MEGF10: variants seen among roughly 807,000 people sequenced by gnomAD.
MEGF10 encodes multiple EGF like domains 10.
In MEGF10, 86 loss-of-function variants were observed where a neutral mutation model predicts 147.5. The observed-to-expected ratio is 0.58, with a 90% CI of 0.49 to 0.70. MEGF10 has a LOEUF of 0.70. Ranked by LOEUF, MEGF10 falls within the 30% of genes least tolerant of loss-of-function variation. The pLI, the probability that MEGF10 is intolerant of heterozygous loss-of-function variation, is 0.00. For missense variants in MEGF10, 1,329 were observed against 1,487.3 expected, an observed-to-expected ratio of 0.89 and a Z score of 1.75; for synonymous variants, 478 against 525.5, an observed-to-expected ratio of 0.91 and a Z score of 1.24.
chr5:127,247,467 G>GAAGAAC, the MEGF10 span, among the ~76,000 whole-genome samples: 2 of 117,192 alleles, frequency 1.7e-5, no homozygotes, highest in Non-Finnish European at 3.4e-5. Context: ...AGAAGAAGAA[G>GAAGAAC]AAGAAGAAGA....
At chr5:127,403,111 T>C (rs769469200) in intron 8 of MEGF10, among the ~76,000 whole-genome samples, 3 of 152,162 alleles carry the variant, frequency 2.0e-5, no homozygotes, top group African/African-American at 4.8e-5. Flanking sequence ...ATCATTATAT[T>C]GTGTGGTGGC....
At chr5:127,379,674 A>G (rs1763178625) in intron 5 of MEGF10, among the ~76,000 whole-genome samples, 2 of 131,824 alleles carry the variant, frequency 1.5e-5, no homozygotes, top group African/African-American at 2.9e-5. Context: ...ATCTCAGCCC[A>G]CTGCAACCCG....
At chr5:127,428,341 C>T (rs1397893167) in intron 13 of MEGF10, among the ~76,000 whole-genome samples, 1 of 152,022 alleles carries the variant, frequency 6.6e-6, no homozygotes, top group Non-Finnish European at 1.5e-5. Flanking sequence ...TTCTATGCAA[C>T]CATAATGCTT....
intron 10 of MEGF10, 25 bp from the exon 11 acceptor site, chr5:127,419,095 C>A: frequency 1.3e-6 from 2 of 1,584,378 alleles, no homozygotes; most frequent in East Asian, 2.3e-5. Context: ...AAATTGAATG[C>A]ATTTTGCTAC....
rs1207588628 is a variant in MEGF10 at position 127,422,289 on chromosome 5, G to A, written c.1591-381G>A. Among the ~76,000 whole-genome samples, 6 of 152,126 alleles carry A rather than the reference G, an allele frequency of 3.9e-5. No homozygotes were observed. The East Asian group carries it at 1.2e-3, about 29-fold the overall frequency. On this transcript the variant is annotated intron_variant, in intron 12 of 24. Transcript: ENST00000503335. ...TAATCCAAACACTTTGGGAGGCTGA[G>A]GCGAGTGGATCACCTGAGGTCAGGA...
the MEGF10 span, among the ~76,000 whole-genome samples, chr5:127,263,304 T>A: frequency 1.0e-5 from 1 of 98,800 alleles, no homozygotes; most frequent in East Asian, 4.9e-4. Context: ...GAAGAGGGAT[T>A]CTCGGGGGGG....
intron 1 of MEGF10, among the ~76,000 whole-genome samples, chr5:127,308,233 T>C (rs960186791): frequency 3.3e-5 from 5 of 152,182 alleles, no homozygotes; most frequent in African/African-American, 1.2e-4. Flanking sequence ...CAAAGTGACT[T>C]TGTTATGATG....
At chr5:127,295,239 A>T (rs1759443023) in intron 1 of MEGF10, among the ~76,000 whole-genome samples, 1 of 152,244 alleles carries the variant, frequency 6.6e-6, no homozygotes, top group Admixed American at 6.5e-5. Flanking sequence ...TATATTATGA[A>T]ATCTCTAATT....
chr5:127,231,274 C>G, the MEGF10 span, among the ~76,000 whole-genome samples: 4 of 152,260 alleles, frequency 2.6e-5, no homozygotes, highest in African/African-American at 9.6e-5. Context: ...CGAAACTCCT[C>G]AGCATGGCTG....
chr5:127,445,478 A>G lies in MEGF10; in HGVS notation c.2513A>G (p.Asn838Ser). Residue 838 changes from asparagine to serine, a missense_variant, in exon 20 of 25, where the codon AAT becomes AGT. Physicochemically the swap from Asn to Ser is conservative, Grantham distance 46. Transcript: ENST00000503335. ...CTAGCTGGTGTTATCATAGTTGGAA[A>G]TCTGAACAGCTTAAGCCGAACCAGT... ...CDQAGVIIVG[N>S]LNSLSRTSTA... The G allele has an allele frequency of 6.2e-7, 1 of 1,614,118 alleles. No homozygotes were observed. Among genetic ancestry groups the G allele is most frequent in the East Asian group, 2.2e-5 (1 of 44,886 alleles).
chr5:127,246,187 A>G, the MEGF10 span, among the ~76,000 whole-genome samples: 6 of 152,212 alleles, frequency 3.9e-5, no homozygotes, highest in African/African-American at 1.2e-4. Context: ...TCACAATAGC[A>G]AAGACTTGGA....
intron 11 of MEGF10, 73 bp downstream of exon 11, chr5:127,419,313 C>G: frequency 2.0e-6 from 3 of 1,532,590 alleles, no homozygotes; most frequent in Non-Finnish European, 2.6e-6. Flanking sequence ...AAAGAAAAAC[C>G]TTAACCAGGG....
chr5:127,389,252 GTTACTA>G (rs1763553543), intron 5 of MEGF10, among the ~76,000 whole-genome samples: 1 of 152,166 alleles, frequency 6.6e-6, no homozygotes, highest in Non-Finnish European at 1.5e-5. Flanking sequence ...AGTCAGAATG[GTTACTA>G]TTAAAAAGTC....
At chr5:127,398,872 G>A in intron 7 of MEGF10, 76 bp downstream of exon 7, 1 of 1,582,788 alleles carries the variant, frequency 6.3e-7, no homozygotes. Flanking sequence ...TACACATGCA[G>A]GAGACTTTAG....
rs536051825 is a variant in MEGF10, at chr5:127,447,624, G to T, written c.2796G>T (p.Thr932=). The T allele has an allele frequency of 1.2e-6, 2 of 1,613,956 alleles. No individual in the cohort carries two copies. The highest frequency in any genetic ancestry group is 1.3e-5 in the African/African-American group (1 of 74,882). The part of the protein sequence containing the change: ...SHYFTNPSYH[T]LTQCATSPHV... ...ACTTCACCAATCCCAGTTACCACAC[G>T]CTCACCCAGTGTGCCACATCCCCTC... The change falls in exon 21 of 25, where the codon ACG becomes ACT. Residue 932 remains threonine, a synonymous_variant. Transcript: ENST00000503335.
rs150028506 is a variant in MEGF10, at chr5:127,314,164, C to T, written c.-18-17127C>T. Among the ~76,000 whole-genome samples the T allele has an allele frequency of 3.5e-3, 532 of 152,314 alleles. 2 individuals are homozygous for T. The highest frequency in any genetic ancestry group is 6.0e-3 in the Non-Finnish European group (410 of 68,022). On this transcript the variant is annotated intron_variant, in intron 1 of 24. Transcript: ENST00000503335. ...ACTCTGTTATTTCTCTCCCACCTCA[C>T]CCCTCTGGATCGGTTGTCTGGGACT... is the stretch of plus-strand genomic sequence containing the variant.
chr5:127,450,347 T>A (rs1444105875), intron 22 of MEGF10, among the ~76,000 whole-genome samples: 1 of 152,200 alleles, frequency 6.6e-6, no homozygotes, highest in African/African-American at 2.4e-5. Flanking sequence ...GAGACTCACC[T>A]CTTAAAATAT....
intron 5 of MEGF10, 68 bp downstream of exon 5, chr5:127,370,070 G>A (rs1394687827): frequency 5.8e-6 from 7 of 1,203,826 alleles, no homozygotes; most frequent in Non-Finnish European, 6.1e-6. Flanking sequence ...GTCTGCAGAT[G>A]ACCCTGAGCC....
chr5:127,424,239 C>T, intron 13 of MEGF10: 1 of 665,866 alleles, frequency 1.5e-6, no homozygotes, highest in Non-Finnish European at 2.7e-6. Flanking sequence ...CTATATATCT[C>T]TCCTTATGCC....
Sources: allele counts gnomAD v4.1 joint callset (sites outside exome capture counted in the v4.1 genomes callset), GRCh38; gene constraint gnomAD v4.1.1; transcripts MANE v1.5; gene names NCBI Gene and HGNC (gene_info 2026-07-23, HGNC 2026-07-21).